Variants in NBPF11 observed in about 807,000 individuals in gnomAD.
NBPF11 encodes NBPF member 11, also known as NBPF family member NBPF11.
A neutral mutation model predicts 93.9 loss-of-function variants in NBPF11; 72 were observed. That is an observed-to-expected ratio of 0.77 (90% CI 0.63 to 0.93). NBPF11 has a LOEUF of 0.93. Among genes scored for constraint, NBPF11 ranks in the 40% least tolerant of loss-of-function variants. The probability of loss-of-function intolerance (pLI) is 0.00; values close to 1 mark genes in which losing one functional copy is unlikely to be tolerated. For missense variants in NBPF11, 705 were observed against 802.2 expected (o/e 0.88, Z 1.46); for synonymous variants, 224 against 304.9 (o/e 0.73, Z 2.76).
intron 16 of NBPF11, among the ~76,000 whole-genome samples, 178 bp downstream of exon 16, chr1:148,110,200 C>T (rs1162175806): frequency 2.0e-5 from 3 of 151,752 alleles, no homozygotes; most frequent in South Asian, 2.1e-4. Context: ...GCTCACTGAC[C>T]CACCCCATGC....
intron 15 of NBPF11, among the ~76,000 whole-genome samples, chr1:148,111,504 A>C (rs1176859857): frequency 6.6e-6 from 1 of 151,886 alleles, no homozygotes; most frequent in African/African-American, 2.4e-5. Flanking sequence ...TAAAAACCTT[A>C]AAAAAAGATT....
At chr1:148,106,479 A>G (rs1304926270) in intron 20 of NBPF11, among the ~76,000 whole-genome samples, 2 of 141,872 alleles carry the variant, frequency 1.4e-5, no homozygotes, top group Admixed American at 1.4e-4. Flanking sequence ...AAGTTTGTGC[A>G]AACAGTTATG....
chr1:148,116,681 C>T (rs1666635034), intron 12 of NBPF11, 146 bp from the exon 13 acceptor site: 4 of 594,978 alleles, frequency 6.7e-6, no homozygotes, highest in Non-Finnish European at 1.2e-5. Flanking sequence ...AACAGAATGC[C>T]CTGGCATGGT....
At chr1:148,145,710 G>T (rs1374223430) in intron 1 of NBPF11, among the ~76,000 whole-genome samples, 3 of 151,384 alleles carry the variant, frequency 2.0e-5, no homozygotes, top group Non-Finnish European at 4.4e-5. Flanking sequence ...AAAACCCCAT[G>T]TCTAGTAAAA....
At chr1:148,129,248 CGT>C (rs1333810376) in intron 4 of NBPF11, among the ~76,000 whole-genome samples, 13 of 144,612 alleles carry the variant, frequency 9.0e-5, no homozygotes, top group Non-Finnish European at 1.9e-4. Flanking sequence ...TATATACATA[CGT>C]GTATATATAT....
At position 148,126,876 on chromosome 1, in the gene NBPF11, A is replaced by G. The variant is rs1357626515; in HGVS notation, c.128T>C (p.Phe43Ser). The change falls in exon 5 of 24, where the codon TTT becomes TCT. Residue 43 changes from phenylalanine (F) to serine (S), a missense_variant. Transcript: ENST00000682118. ...CAGGAAGCCGGCCAGTTGAGTTAGA[A>G]AACATCTCTCTTTGAGGTTTCTGAA... ...QQFRNLKERCFLTQLAGFLAN... is the reference protein window; with the variant it reads ...QQFRNLKERCSLTQLAGFLAN... 6.8e-7 allele frequency: 1 copy of G among 1,467,390 alleles called. No homozygotes were observed. The highest frequency in any genetic ancestry group is 9.4e-7 in the Non-Finnish European group (1 of 1,062,440). 90.9% of individuals were successfully genotyped at this position (1,467,390 alleles called of 1,614,324 possible). A position where few individuals can be genotyped will look rare whatever the true frequency, so the allele number is the denominator to read the frequency against.
At chr1:148,145,197 CTTTCTTTTT>C (rs1672799350) in intron 1 of NBPF11, among the ~76,000 whole-genome samples, 1 of 100,572 alleles carries the variant, frequency 9.9e-6, no homozygotes, top group African/African-American at 3.9e-5. Context: ...TTTCTTTTTT[CTTTCTTTTT>C]TTTTTTTTTT....
At chr1:148,119,495 C>A (rs1667326228) in intron 10 of NBPF11, among the ~76,000 whole-genome samples, 1 of 151,790 alleles carries the variant, frequency 6.6e-6, no homozygotes, top group Non-Finnish European at 1.5e-5. Context: ...TTGGATGGAG[C>A]CCAGGAGACA....
chr1:148,110,144 A>T (rs1664898878), intron 16 of NBPF11, among the ~76,000 whole-genome samples: 1 of 151,978 alleles, frequency 6.6e-6, no homozygotes, highest in Non-Finnish European at 1.5e-5. Context: ...CGTGACAGTC[A>T]GTCCAGGTTG....
chr1:148,147,643 C>T (rs1197368880), intron 1 of NBPF11, among the ~76,000 whole-genome samples: 7 of 151,978 alleles, frequency 4.6e-5, no homozygotes, highest in Non-Finnish European at 7.4e-5. Flanking sequence ...GACCTGCTCC[C>T]GCAGGGACCA....
At position 148,104,618 on chromosome 1, in the gene NBPF11, T is replaced by A; in HGVS notation, c.2500A>T (p.Lys834Ter). Residue 834 changes from lysine (K) to a stop codon, truncating the protein, a stop_gained, in exon 23 of 24, where the codon AAA becomes TAA. Coordinates refer to ENST00000682118, the MANE Select transcript of NBPF11 (RefSeq NM_001385469.3). LOFTEE classifies it high-confidence loss of function. ...CTTCTTTGATCTTCTTCCCCTTCTTTTCTTCCCCTTCCCCTTCTTTTCAAT... is the reference window on the plus strand; with the variant it reads ...CTTCTTTGATCTTCTTCCCCTTCTTATCTTCCCCTTCCCCTTCTTTTCAAT... ...EKLKRRGRGR[K>*]EGEEDQRRKE... 1 of 579,686 alleles carries A rather than the reference T, an allele frequency of 1.7e-6. No individual in the cohort carries two copies. Among genetic ancestry groups the A allele is most frequent in the South Asian group, 2.0e-5 (1 of 49,322 alleles). 35.9% of individuals were successfully genotyped at this position (579,686 alleles called of 1,614,324 possible).
intron 8 of NBPF11, among the ~76,000 whole-genome samples, 175 bp from the exon 9 acceptor site, chr1:148,122,441 G>T (rs1259254203): frequency 6.6e-6 from 1 of 152,110 alleles, no homozygotes; most frequent in Non-Finnish European, 1.5e-5. Context: ...GAGCTTCGCT[G>T]CCATGGGAGC....
At chr1:148,120,132 C>G (rs1473182091) in intron 10 of NBPF11, among the ~76,000 whole-genome samples, 1 of 151,854 alleles carries the variant, frequency 6.6e-6, no homozygotes, top group Non-Finnish European at 1.5e-5. Context: ...TAAAAGTTCA[C>G]TAGTCTCAGA....
chr1:148,145,767 C>A (rs2149303907), intron 1 of NBPF11, among the ~76,000 whole-genome samples: 1 of 150,850 alleles, frequency 6.6e-6, no homozygotes, highest in South Asian at 2.1e-4. Flanking sequence ...TAGGTCCCAG[C>A]TACTTGGGGA....
At chr1:148,138,309 C>T (rs1411355404) in intron 2 of NBPF11, among the ~76,000 whole-genome samples, 5 of 151,402 alleles carry the variant, frequency 3.3e-5, no homozygotes, top group African/African-American at 1.2e-4. Flanking sequence ...GAGCAGGAGA[C>T]AGATGCCTTC....
chr1:148,118,541 T>C (rs1358563237), intron 11 of NBPF11, 79 bp downstream of exon 11: 4 of 1,398,344 alleles, frequency 2.9e-6, no homozygotes, highest in Non-Finnish European at 4.1e-6. Flanking sequence ...AGCTTAGCTC[T>C]TACGTCTCCC....
chr1:148,108,860 CA>C, intron 17 of NBPF11, among the ~76,000 whole-genome samples: 1 of 146,318 alleles, frequency 6.8e-6, no homozygotes, highest in Admixed American at 6.8e-5. Flanking sequence ...CACACACACA[CA>C]CACACACACA....
intron 15 of NBPF11, among the ~76,000 whole-genome samples, chr1:148,111,583 T>A (rs1481961577): frequency 6.6e-6 from 1 of 151,072 alleles, no homozygotes. Context: ...CTGAAAACCA[T>A]GGCACGAAAA....
chr1:148,145,123 TA>T (rs1672784576), intron 1 of NBPF11, among the ~76,000 whole-genome samples: 1 of 146,036 alleles, frequency 6.8e-6, no homozygotes, highest in African/African-American at 2.6e-5. Flanking sequence ...ATGCAAAAAC[TA>T]AAATAAAATT....
Sources: gnomAD v4.1 joint callset for allele counts (sites outside exome capture counted in the v4.1 genomes callset) on GRCh38, gnomAD v4.1.1 for gene constraint, MANE v1.5 for transcripts, NCBI Gene and HGNC (gene_info 2026-07-23, HGNC 2026-07-21) for gene names.